The following TRPC4 variants were observed in gnomAD, a reference collection of about 807,000 sequenced individuals.
The protein encoded by TRPC4 is transient receptor potential cation channel subfamily C member 4.
TRPC4 carries 49 observed loss-of-function variants against 99.4 expected under a neutral mutation model. The observed-to-expected ratio is 0.49, with a 90% confidence interval of 0.39 to 0.63. TRPC4 has a LOEUF of 0.63. TRPC4 is among the 20% of genes least tolerant of loss of function. The pLI is 0.00. For synonymous variants in TRPC4, 454 were observed against 425.9 expected, an observed-to-expected ratio of 1.07 and a Z score of -0.81; for missense variants, 898 against 1,152.9, an observed-to-expected ratio of 0.78 and a Z score of 3.20.
chr13:37,670,365 G>T (rs1300251219), intron 5 of TRPC4, among the ~76,000 whole-genome samples: 3 of 151,270 alleles, frequency 2.0e-5, no homozygotes, highest in Admixed American at 6.6e-5. Context: ...AGTTTTTTTT[G>T]GTCCAGTTCC....
chr13:37,721,427 G>A (rs897458803), intron 3 of TRPC4, among the ~76,000 whole-genome samples: 1 of 152,056 alleles, frequency 6.6e-6, no homozygotes, highest in Admixed American at 6.6e-5. Flanking sequence ...AAAATTTAGG[G>A]CTTTCAAAGA....
At chr13:37,698,859 A>G (rs1954009845) in intron 3 of TRPC4, among the ~76,000 whole-genome samples, 1 of 152,196 alleles carries the variant, frequency 6.6e-6, no homozygotes, top group African/African-American at 2.4e-5. Flanking sequence ...CATGAGAAAC[A>G]TGAGTAGGTG....
At chr13:37,690,562 T>C (rs1212449831) in intron 4 of TRPC4, among the ~76,000 whole-genome samples, 1 of 152,224 alleles carries the variant, frequency 6.6e-6, no homozygotes, top group Admixed American at 6.5e-5. Flanking sequence ...CCCAAAGTGC[T>C]GGGATTACAG....
At chr13:37,775,534 A>G (rs1403326885) in intron 2 of TRPC4, among the ~76,000 whole-genome samples, 1 of 151,554 alleles carries the variant, frequency 6.6e-6, no homozygotes, top group African/African-American at 2.4e-5. Flanking sequence ...AGCATCCATG[A>G]TGATAAAGTC....
intron 3 of TRPC4, among the ~76,000 whole-genome samples, chr13:37,733,814 C>G (rs1456779750): frequency 6.6e-6 from 1 of 151,920 alleles, no homozygotes; most frequent in African/African-American, 2.4e-5. Context: ...CACTTAGATA[C>G]GGGTGGAGGA....
At position 37,811,965 on chromosome 13, in the gene TRPC4, C is replaced by T. The variant is rs1957700273; in HGVS notation, c.-27-28605G>A. On this transcript the variant is annotated intron_variant, in intron 1 of 10. Transcript: ENST00000379705. ...ATCAGTTGAGGTGAGGAGGTCAAGA[C>T]CAGCCAGGCCAACATGGCAAAACAC... is the stretch of plus-strand genomic sequence containing the variant. 4.0e-5 allele frequency among the ~76,000 whole-genome samples: 6 copies of T among 151,834 alleles called. No homozygotes were observed. In the South Asian group the frequency reaches 1.0e-3, roughly 26 times the overall value.
chr13:37,692,876 G>T (rs904206604), intron 3 of TRPC4, among the ~76,000 whole-genome samples: 3 of 152,022 alleles, frequency 2.0e-5, no homozygotes, highest in African/African-American at 7.2e-5. Flanking sequence ...CTTTTAATTG[G>T]GTTGAGGCAA....
chr13:37,835,993 G>T (rs986658844), intron 1 of TRPC4, among the ~76,000 whole-genome samples: 1 of 150,350 alleles, frequency 6.7e-6, no homozygotes, highest in South Asian at 2.1e-4. Context: ...GGAGGTAATT[G>T]AATCATGGGG....
At chr13:37,764,504 C>T (rs935143335) in intron 2 of TRPC4, among the ~76,000 whole-genome samples, 8 of 151,140 alleles carry the variant, frequency 5.3e-5, no homozygotes, top group Non-Finnish European at 8.9e-5. Flanking sequence ...TTTATGTAGA[C>T]AAATTATCTG....
chr13:37,756,736 T>G (rs1435449588), intron 2 of TRPC4, among the ~76,000 whole-genome samples: 1 of 151,916 alleles, frequency 6.6e-6, no homozygotes, highest in Non-Finnish European at 1.5e-5. Flanking sequence ...GGTTTCACCA[T>G]GTTGGCCAGG....
intron 4 of TRPC4, among the ~76,000 whole-genome samples, chr13:37,684,958 T>C (rs1454925701): frequency 6.6e-6 from 1 of 152,148 alleles, no homozygotes; most frequent in African/African-American, 2.4e-5. Flanking sequence ...TTATTCTTTC[T>C]TTCTTGGAAT....
In TRPC4 at chr13:37,721,075, C is replaced by G. The variant is rs145088247; in HGVS notation, c.897+24862G>C. On this transcript the variant is annotated intron_variant, in intron 3 of 10. Coordinates refer to ENST00000379705, the MANE Select transcript of TRPC4 (RefSeq NM_016179.4). ...CTCACAGACTATACACAAAGCTTCCCAAAAGTCAGCCTATGAATAGTTAGA... is the reference window on the plus strand; with the variant it reads ...CTCACAGACTATACACAAAGCTTCCGAAAAGTCAGCCTATGAATAGTTAGA... Among the ~76,000 whole-genome samples the G allele has an allele frequency of 5.5e-3, 840 of 152,216 alleles. 9 individuals are homozygous for G. The highest frequency in any genetic ancestry group is 0.019 in the African/African-American group (788 of 41,544).
At chr13:37,753,605 GAGAA>G (rs879432038) in intron 2 of TRPC4, among the ~76,000 whole-genome samples, 46,961 of 112,912 alleles carry the variant, frequency 0.42, 8,950 homozygotes, top group Non-Finnish European at 0.58. Flanking sequence ...GAGAGAGAGA[GAGAA>G]AGAAAGAAAG....
At chr13:37,785,640 A>G (rs1013997142) in intron 1 of TRPC4, among the ~76,000 whole-genome samples, 2 of 152,130 alleles carry the variant, frequency 1.3e-5, no homozygotes, top group Non-Finnish European at 2.9e-5. Flanking sequence ...CTGCAGGTGA[A>G]TTATGATTCA....
chr13:37,700,280 T>C (rs888695742), intron 3 of TRPC4, among the ~76,000 whole-genome samples: 1 of 152,198 alleles, frequency 6.6e-6, no homozygotes, highest in Non-Finnish European at 1.5e-5. Flanking sequence ...TTTTGAATCA[T>C]GTAGGTGAGT....
At chr13:37,864,472 T>C (rs1046393939) in intron 1 of TRPC4, among the ~76,000 whole-genome samples, 2 of 151,734 alleles carry the variant, frequency 1.3e-5, no homozygotes, top group Admixed American at 6.6e-5. Context: ...ATATATTGTA[T>C]AAGTGCAACA....
At chr13:37,866,024 A>G (rs929706876) in intron 1 of TRPC4, among the ~76,000 whole-genome samples, 2 of 151,692 alleles carry the variant, frequency 1.3e-5, no homozygotes, top group African/African-American at 4.8e-5. Flanking sequence ...GTTTCAGGTA[A>G]ATTTGAACTC....
At chr13:37,801,517 T>C (rs140943861) in intron 1 of TRPC4, among the ~76,000 whole-genome samples, 3 of 152,192 alleles carry the variant, frequency 2.0e-5, no homozygotes, top group African/African-American at 7.2e-5. Flanking sequence ...TAAAAAAAGG[T>C]TATAAATCTT....
intron 8 of TRPC4, among the ~76,000 whole-genome samples, chr13:37,643,224 A>G (rs886926120): frequency 6.6e-6 from 1 of 152,048 alleles, no homozygotes; most frequent in Non-Finnish European, 1.5e-5. Context: ...AACTCTCTTA[A>G]CTTGTAGGGC....
Sources: allele counts gnomAD v4.1 joint callset (sites outside exome capture counted in the v4.1 genomes callset), GRCh38; gene constraint gnomAD v4.1.1; transcripts MANE v1.5; gene names NCBI Gene and HGNC (gene_info 2026-07-23, HGNC 2026-07-21).